The following ACACB variants were observed in gnomAD, a reference collection of about 807,000 sequenced individuals.
The protein encoded by ACACB is acetyl-CoA carboxylase beta.
In ACACB, 209 loss-of-function variants were observed where a neutral mutation model predicts 278.8. The ratio of observed to expected loss-of-function variants is 0.75; its 90% CI spans 0.67 to 0.84. The LOEUF (loss-of-function observed/expected upper bound fraction) is 0.84. ACACB is among the 40% of genes least tolerant of loss of function. ACACB has a pLI of 0.00. For missense variants in ACACB, 2,850 were observed against 3,269.0 expected (o/e 0.87, Z 3.13); for synonymous variants, 1,174 against 1,285.6 (o/e 0.91, Z 1.86).
At chr12:109,212,523 G>GT (rs1216742181) in intron 21 of ACACB, among the ~76,000 whole-genome samples, 1 of 152,100 alleles carries the variant, frequency 6.6e-6, no homozygotes, top group Non-Finnish European at 1.5e-5. Context: ...TTAGATTATC[G>GT]TAACGAGCAT....
At chr12:109,207,823 C>T (rs113428819) in intron 20 of ACACB, among the ~76,000 whole-genome samples, 56 of 152,264 alleles carry the variant, frequency 3.7e-4, no homozygotes, top group African/African-American at 1.3e-3. Flanking sequence ...GGATTACAGG[C>T]GTGTGCCACC....
Position 109,204,995 on chromosome 12 carries a change from A to G in ACACB, c.2914-1715A>G, listed in dbSNP as rs139051272. ...CCGGGTAGCAAGTACCTGGGACCAC[A>G]GGTTTGTGCGACCATGCCTGACTAA... is the stretch of plus-strand genomic sequence containing the variant. On this transcript the variant is annotated intron_variant, in intron 19 of 52. Transcript: ENST00000338432. 5.3e-3 allele frequency among the ~76,000 whole-genome samples: 799 copies of G among 152,018 alleles called. 9 individuals are homozygous for G. The highest frequency in any genetic ancestry group is 0.018 in the African/African-American group (764 of 41,434).
chr12:109,173,838 T>A (rs2044194788), intron 6 of ACACB, among the ~76,000 whole-genome samples: 1 of 152,262 alleles, frequency 6.6e-6, no homozygotes, highest in Admixed American at 6.5e-5. Context: ...CTCTTTGATC[T>A]AGCTTTCTGC....
At position 109,222,817 on chromosome 12, in the gene ACACB, C is replaced by T; in HGVS notation, c.3697C>T (p.Leu1233Phe). 6.2e-7 allele frequency: 1 copy of T among 1,613,802 alleles called. No individual in the cohort carries two copies. The highest frequency in any genetic ancestry group is 8.5e-7 in the Non-Finnish European group (1 of 1,179,856). The change falls in exon 26 of 53, where the codon CTC (leucine) becomes TTC (phenylalanine). Residue 1233 changes from leucine to phenylalanine, a missense_variant. Around this residue, in one of 3 missense-constraint regions of ACACB, gnomAD observed 2,265 missense variants for 2,561.3 expected, o/e 0.88. Transcript: ENST00000338432. ...RARQILIASH[L>F]PSYELRHNQV... ...CCTGCAGATCCTGATTGCCTCCCACCTCCCCTCCTACGAGCTGCGGCATAA... is the reference window on the plus strand; with the variant it reads ...CCTGCAGATCCTGATTGCCTCCCACTTCCCCTCCTACGAGCTGCGGCATAA...
chr12:109,213,032 T>C, intron 22 of ACACB, 96 bp downstream of exon 22: 1 of 1,046,584 alleles, frequency 9.6e-7, no homozygotes, highest in Non-Finnish European at 1.5e-6. Flanking sequence ...CAGGGCAGGC[T>C]TGAACTGAGA....
At chr12:109,265,753 C>T (rs2047503121) in intron 52 of ACACB, among the ~76,000 whole-genome samples, 1 of 152,196 alleles carries the variant, frequency 6.6e-6, no homozygotes, top group Admixed American at 6.5e-5. Context: ...CTCTGAAGGC[C>T]GTGTGAGATG....
At chr12:109,222,050 G>A (rs1232684175) in intron 24 of ACACB, among the ~76,000 whole-genome samples, 1 of 151,774 alleles carries the variant, frequency 6.6e-6, no homozygotes, top group East Asian at 1.9e-4. Context: ...ACCATGCCCG[G>A]CTAATTTTTC....
At chr12:109,161,371 C>T (rs1185743640) in intron 2 of ACACB, among the ~76,000 whole-genome samples, 3 of 151,918 alleles carry the variant, frequency 2.0e-5, no homozygotes, top group African/African-American at 7.3e-5. Flanking sequence ...TGTAAAACCC[C>T]GTCTCTACTA....
Position 109,265,451 on chromosome 12 carries a change from G to A in ACACB, c.7176G>A (p.Gly2392=). The stretch of plus-strand genomic sequence containing the variant: ...GGCTGGAACAGCACTGGCAGGCAGG[G>A]GATGGCCCGCGCTCCACCATCCGTG... ...VQWLEQHWQA[G]DGPRSTIREN... Residue 2392 remains glycine, a synonymous_variant, in exon 52 of 53, where the codon GGG becomes GGA. Coordinates refer to ENST00000338432, the MANE Select transcript of ACACB (RefSeq NM_001093.4). The A allele has an allele frequency of 6.2e-7, 1 of 1,613,378 alleles. No homozygotes were observed. The highest frequency in any genetic ancestry group is 8.5e-7 in the Non-Finnish European group (1 of 1,179,804).
At chr12:109,172,005 G>T (rs900726670) in intron 5 of ACACB, 91 bp downstream of exon 5, 3 of 1,108,296 alleles carry the variant, frequency 2.7e-6, no homozygotes, top group Non-Finnish European at 4.1e-6. Context: ...AAGGGGTGGA[G>T]GGTCCAGATC....
At chr12:109,223,778 T>C in intron 26 of ACACB, 37 bp from the exon 27 acceptor site, 1 of 1,570,678 alleles carries the variant, frequency 6.4e-7, no homozygotes, top group Admixed American at 1.7e-5. Flanking sequence ...CTTGTTCACA[T>C]TTACTTTTCC....
In ACACB at chr12:109,171,860, C is replaced by T; in HGVS notation, c.981C>T (p.Asn327=). The T allele has an allele frequency of 6.2e-7, 1 of 1,614,098 alleles. No homozygotes were observed. The highest frequency in any genetic ancestry group is 8.5e-7 in the Non-Finnish European group (1 of 1,180,006). The change falls in exon 5 of 53, where the codon AAC becomes AAT. Residue 327 remains asparagine, a synonymous_variant. Coordinates refer to ENST00000338432, the MANE Select transcript of ACACB (RefSeq NM_001093.4). The part of the protein sequence containing the change: ...YVPVPGGPNN[N]NYANVELIVD... ...CCGTCCCAGGAGGGCCCAATAACAA[C>T]AACTATGCCAACGTGGAGCTGATTG...
At chr12:109,113,174 A>G (rs1250634475), upstream of ACACB, 2 of 152,258 alleles carry the variant, frequency 1.3e-5, no homozygotes, top group African/African-American at 4.8e-5. Context: ...TGCGGTGGGA[A>G]CAAAAAGGCA....
intron 2 of ACACB, among the ~76,000 whole-genome samples, chr12:109,158,317 A>G (rs1335471322): frequency 6.6e-6 from 1 of 152,128 alleles, no homozygotes; most frequent in African/African-American, 2.4e-5. Flanking sequence ...TAGATGGGGA[A>G]ATTCAAAGTT....
chr12:109,252,370 A>G (rs149202928), intron 42 of ACACB: 1 of 397,362 alleles, frequency 2.5e-6, no homozygotes, highest in Non-Finnish European at 4.5e-6. Flanking sequence ...AACTCCCTGT[A>G]TTACTGACAT....
rs2045679592 is a variant in ACACB at position 109,210,067 on chromosome 12, A to ATG, written c.3249+715_3249+716insGT. Among the ~76,000 whole-genome samples, 3 of 90,074 alleles carry ATG rather than the reference A, an allele frequency of 3.3e-5. 1 individual carries two copies. Among genetic ancestry groups the ATG allele is most frequent in the African/African-American group, 1.0e-4 (3 of 29,222 alleles). The allele number at this position is 90,074 out of a possible 152,430, so 59.1% of individuals were successfully genotyped here. On this transcript the variant is annotated intron_variant, in intron 21 of 52. Coordinates refer to ENST00000338432, the MANE Select transcript of ACACB (RefSeq NM_001093.4). ...TGTATATATACACACACGTGTGTAT[A>ATG]TATGTGTATATATGTATATATACAC... is the stretch of plus-strand genomic sequence containing the variant.
chr12:109,149,968 T>TG (rs1276621990), intron 2 of ACACB, among the ~76,000 whole-genome samples: 1 of 152,168 alleles, frequency 6.6e-6, no homozygotes, highest in African/African-American at 2.4e-5. Flanking sequence ...TCATGTGACT[T>TG]GGGGCCAAGT....
chr12:109,245,839 A>G (rs1593691077), intron 38 of ACACB, 91 bp downstream of exon 38: 17 of 1,512,918 alleles, frequency 1.1e-5, no homozygotes, highest in Non-Finnish European at 1.5e-5. Context: ...CTGTAATCCC[A>G]GTGCTTTGGG....
At position 109,264,289 on chromosome 12, in the gene ACACB, G is replaced by T. The variant is rs565580708; in HGVS notation, c.6845G>T (p.Arg2282Leu). The T allele has an allele frequency of 1.2e-6, 2 of 1,614,010 alleles. No individual in the cohort carries two copies. The highest frequency in any genetic ancestry group is 1.3e-5 in the African/African-American group (1 of 74,910). Residue 2282 changes from arginine to leucine, a missense_variant, in exon 50 of 53, where the codon CGC (arginine) becomes CTC (leucine). By Grantham distance (102) the Arg-to-Leu change is moderately radical. Around this residue, in one of 3 missense-constraint regions of ACACB, gnomAD observed 579 missense variants for 684.6 expected, o/e 0.85. Transcript: ENST00000338432. ...GACCTGGAGGGCCGGCTAAAGGCTC[G>T]CGAGGACCTGCTGCTCCCCATCTAC... ...RKDLEGRLKA[R>L]EDLLLPIYHQ...
Sources: allele counts gnomAD v4.1 joint callset (sites outside exome capture counted in the v4.1 genomes callset), GRCh38; gene constraint gnomAD v4.1.1; regional missense constraint gnomAD v4.1.1; transcripts MANE v1.5; gene names NCBI Gene and HGNC (gene_info 2026-07-23, HGNC 2026-07-21).